GCAT: variants seen among roughly 807,000 people sequenced by gnomAD.
GCAT encodes glycine C-acetyltransferase.
In GCAT, 26 loss-of-function variants were observed where a neutral mutation model predicts 39.7. The observed-to-expected ratio is 0.65, with a 90% CI of 0.48 to 0.91. GCAT has a LOEUF of 0.91. GCAT is among the 40% of genes least tolerant of loss of function. The pLI is 0.00. For synonymous variants in GCAT, 218 were observed against 237.2 expected (o/e 0.92, Z 0.74); for missense variants, 550 against 576.2 (o/e 0.95, Z 0.47).
intron 1 of GCAT, among the ~76,000 whole-genome samples, chr22:37,808,533 C>T (rs2246503): frequency 6.6e-6 from 1 of 152,088 alleles, no homozygotes; most frequent in South Asian, 2.1e-4. Context: ...CAGCTAGCTG[C>T]AGGCAGCGCT....
In GCAT at chr22:37,813,485, C is replaced by T. The variant is rs754057883; in HGVS notation, c.452C>T (p.Ala151Val). Residue 151 changes from alanine (A) to valine (V), a missense_variant, in exon 4 of 9, where the codon GCA (alanine) becomes GTA (valine). Around this residue, in one of 3 missense-constraint regions of GCAT, gnomAD observed 378 missense variants for 390.4 expected, o/e 0.97. Coordinates refer to ENST00000248924, the MANE Select transcript of GCAT (RefSeq NM_014291.4). ...LFEALLTPED[A>V]VLSDELNHAS... ...CAGGCCCTGCTGACCCCAGAGGACGCAGTCCTGTCGGACGAGCTGAACCAT... is the reference window on the plus strand; with the variant it reads ...CAGGCCCTGCTGACCCCAGAGGACGTAGTCCTGTCGGACGAGCTGAACCAT... The T allele has an allele frequency of 1.2e-6, 2 of 1,606,420 alleles. No individual in the cohort carries two copies. The highest frequency in any genetic ancestry group is 4.5e-5 in the East Asian group (2 of 44,598).
chr22:37,816,543 C>T (rs758099192), intron 8 of GCAT, 24 bp from the exon 9 acceptor site: 65 of 1,613,382 alleles, frequency 4.0e-5, no homozygotes, highest in Middle Eastern at 1.6e-4. Flanking sequence ...GGTTCTGGCA[C>T]GCCCTTGCTT....
intron 4 of GCAT, among the ~76,000 whole-genome samples, chr22:37,814,914 C>T (rs1921986514): frequency 6.6e-6 from 1 of 152,230 alleles, no homozygotes. Flanking sequence ...TGAGCCCATT[C>T]TCACTGTCCA....
intron 2 of GCAT, among the ~76,000 whole-genome samples, chr22:37,811,480 C>CAAAAAAAAAA (rs59876225): frequency 2.1e-5 from 1 of 46,860 alleles, no homozygotes; most frequent in African/African-American, 9.8e-5. Flanking sequence ...GACTCTGTCT[C>CAAAAAAAAAA]AAAAAAAAAA....
At chr22:37,812,569 A>T (rs940050048) in intron 2 of GCAT, among the ~76,000 whole-genome samples, 1 of 152,190 alleles carries the variant, frequency 6.6e-6, no homozygotes, top group African/African-American at 2.4e-5. Flanking sequence ...CCATTAGGCG[A>T]CCAAAAAAGA....
Position 37,816,311 on chromosome 22 carries a change from G to A in GCAT, c.1098G>A (p.Met366Ile). ...TGGCCTCTCGCATGGCGGATGACATGCTGAAGAGAGGTAAGGGTGCTGAGA... is the reference window on the plus strand; with the variant it reads ...TGGCCTCTCGCATGGCGGATGACATACTGAAGAGAGGTAAGGGTGCTGAGA... Reference protein sequence around the residue: ...ARLASRMADDMLKRGIFVIGF... With the variant: ...ARLASRMADDILKRGIFVIGF... The change falls in exon 8 of 9, where the codon ATG (methionine) becomes ATA (isoleucine). Residue 366 changes from methionine to isoleucine, a missense_variant. Transcript: ENST00000248924. The A allele has an allele frequency of 6.2e-7, 1 of 1,611,192 alleles. No homozygotes were observed.
Position 37,815,234 on chromosome 22 carries a change from T to G in GCAT, c.685T>G (p.Phe229Val). Residue 229 changes from phenylalanine (F) to valine (V), a missense_variant, in exon 5 of 9, where the codon TTC (phenylalanine) becomes GTC (valine). Physicochemically the swap from Phe to Val is conservative, Grantham distance 50 (BLOSUM62 -1). This residue lies in a region of GCAT where 378 missense variants were observed against 390.4 expected (regional missense o/e 0.97). Transcript: ENST00000248924. ...CGCCTCTAGATATGGTGCCCTGGTC[T>G]TCATGGATGAATGCCATGCCACTGG... ...CLASRYGALV[F>V]MDECHATGFL... is the part of the protein sequence containing the mutation. The G allele has an allele frequency of 6.2e-7, 1 of 1,614,048 alleles. No individual in the cohort carries two copies. The highest frequency in any genetic ancestry group is 8.5e-7 in the Non-Finnish European group (1 of 1,179,986).
In GCAT at chr22:37,816,297, A is replaced by G. The variant is rs150646346; in HGVS notation, c.1084A>G (p.Met362Val). 1.6e-4 allele frequency: 257 copies of G among 1,612,220 alleles called. 1 individual carries two copies. In the African/African-American group the frequency reaches 3.0e-3, roughly 19 times the overall value. ...MLGDARLASR[M>V]ADDMLKRGIF... Reference sequence around the variant, plus strand: ...GGGTGATGCCCGGCTGGCCTCTCGCATGGCGGATGACATGCTGAAGAGAGG... The same window carrying G: ...GGGTGATGCCCGGCTGGCCTCTCGCGTGGCGGATGACATGCTGAAGAGAGG... Residue 362 changes from methionine to valine, a missense_variant, in exon 8 of 9, where the codon ATG becomes GTG. Coordinates refer to ENST00000248924, the MANE Select transcript of GCAT (RefSeq NM_014291.4).
chr22:37,808,221 A>C, intron 1 of GCAT, 58 bp downstream of exon 1: 1 of 1,283,520 alleles, frequency 7.8e-7, no homozygotes. Context: ...GCTGGAATGG[A>C]GGTCCTGGAG....
At position 37,816,571 on chromosome 22, in the gene GCAT, CTT is replaced by C; in HGVS notation, c.1115_1116del (p.Phe372CysfsTer25). On this transcript the variant is annotated frameshift_variant, in exon 9 of 9. Coordinates refer to ENST00000248924, the MANE Select transcript of GCAT (RefSeq NM_014291.4). LOFTEE classifies it high-confidence loss of function. ...MADDMLKRGIFVIGFSYPVVP... is the reference protein window; with the variant it reads ...MADDMLKRGIXVIGFSYPVVP... ...CCTTGCTTTCTACCCTCCCAGGCAT[CTT>C]TGTCATCGGGTTCAGCTACCCCGTG... The C allele has an allele frequency of 2.5e-6, 4 of 1,614,250 alleles. No homozygotes were observed. Among genetic ancestry groups the C allele is most frequent in the Non-Finnish European group, 3.4e-6 (4 of 1,180,030 alleles).
chr22:37,810,352 A>T (rs371108053), intron 2 of GCAT, among the ~76,000 whole-genome samples, 195 bp downstream of exon 2: 102 of 151,580 alleles, frequency 6.7e-4, no homozygotes, highest in Non-Finnish European at 5.3e-4. Context: ...TTATATATAT[A>T]TTTTTTCTTT....
downstream of GCAT, chr22:37,817,015 C>T (rs1291132834): frequency 6.4e-6 from 2 of 314,022 alleles, no homozygotes; most frequent in East Asian, 1.2e-4. Flanking sequence ...CCACTGACCT[C>T]TTTCCCTAGA....
At position 37,816,666 on chromosome 22, in the gene GCAT, G is replaced by T; in HGVS notation, c.1208G>T (p.Arg403Leu). 1 of 1,614,074 alleles carries T rather than the reference G, an allele frequency of 6.2e-7. No homozygotes were observed. Among genetic ancestry groups the T allele is most frequent in the Non-Finnish European group, 8.5e-7 (1 of 1,180,000 alleles). ...GTGCATAGCGAGGAAGACATTGACC[G>T]CTGCGTGGAGGCCTTCGTGGAAGTG... ...SAVHSEEDID[R>L]CVEAFVEVGR... The change falls in exon 9 of 9, where the codon CGC becomes CTC. Residue 403 changes from arginine to leucine, a missense_variant. Coordinates refer to ENST00000248924, the MANE Select transcript of GCAT (RefSeq NM_014291.4).
chr22:37,813,523 G>A lies in GCAT; in HGVS notation c.490G>A (p.Asp164Asn), dbSNP rs181758632. Residue 164 changes from aspartate (D) to asparagine (N), a missense_variant, in exon 4 of 9, where the codon GAC becomes AAC. This residue lies in a region of GCAT where 378 missense variants were observed against 390.4 expected (regional missense o/e 0.97). Coordinates refer to ENST00000248924, the MANE Select transcript of GCAT (RefSeq NM_014291.4). ...CGAGCTGAACCATGCCTCCATCATC[G>A]ACGGCATCCGGCTGTGCAAGGCCCA... ...SDELNHASII[D>N]GIRLCKAHKY... 2.5e-6 allele frequency: 4 copies of A among 1,612,958 alleles called. No homozygotes were observed. The highest frequency in any genetic ancestry group is 2.2e-5 in the East Asian group (1 of 44,856).
chr22:37,811,410 G>C (rs973267665), intron 2 of GCAT, among the ~76,000 whole-genome samples: 1 of 150,032 alleles, frequency 6.7e-6, no homozygotes. Flanking sequence ...GAACCTAGGA[G>C]GTGGAGGTTG....
intron 2 of GCAT, among the ~76,000 whole-genome samples, chr22:37,812,303 C>T (rs1375658823): frequency 1.3e-5 from 2 of 152,146 alleles, no homozygotes; most frequent in Non-Finnish European, 2.9e-5. Context: ...GGTCTCACTA[C>T]TGCACTCCAG....
chr22:37,812,058 T>C (rs1433427059), intron 2 of GCAT, among the ~76,000 whole-genome samples: 2 of 151,802 alleles, frequency 1.3e-5, no homozygotes, highest in Admixed American at 6.6e-5. Flanking sequence ...TGGCTGGGCA[T>C]GGTAGTTCAC....
At position 37,816,669 on chromosome 22, in the gene GCAT, G is replaced by A. The variant is rs1344919376; in HGVS notation, c.1211G>A (p.Cys404Tyr). 6.2e-7 allele frequency: 1 copy of A among 1,614,122 alleles called. No homozygotes were observed. Among genetic ancestry groups the A allele is most frequent in the Admixed American group, 1.7e-5 (1 of 60,030 alleles). ...AVHSEEDIDR[C>Y]VEAFVEVGRL... ...CATAGCGAGGAAGACATTGACCGCT[G>A]CGTGGAGGCCTTCGTGGAAGTGGGG... The change falls in exon 9 of 9, where the codon TGC (cysteine) becomes TAC (tyrosine). Residue 404 changes from cysteine to tyrosine, a missense_variant. This residue lies in a region of GCAT where 378 missense variants were observed against 390.4 expected (regional missense o/e 0.97). Transcript: ENST00000248924.
rs780031813 is a variant in GCAT, at chr22:37,815,632, C to A, written c.815-31C>A. On this transcript the variant is annotated intron_variant, in intron 6 of 8. Transcript: ENST00000248924. ...TGGGTAGGCTCTGGCCCCTGACCAA[C>A]CCCTCCCCCCACCTCTTCCCTTCTT... The A allele has an allele frequency of 1.1e-5, 17 of 1,551,548 alleles. No individual in the cohort carries two copies. The South Asian group carries it at 1.8e-4, about 16-fold the overall frequency.
Sources: allele counts gnomAD v4.1 joint callset (sites outside exome capture counted in the v4.1 genomes callset), GRCh38; gene constraint gnomAD v4.1.1; regional missense constraint gnomAD v4.1.1; transcripts MANE v1.5; gene names NCBI Gene and HGNC (gene_info 2026-07-23, HGNC 2026-07-21).